The following NRP1 variants were observed in gnomAD, a reference collection of about 807,000 sequenced individuals.
The protein encoded by NRP1 is neuropilin-1.
A neutral mutation model predicts 106.7 loss-of-function variants in NRP1; 35 were observed. The ratio of observed to expected loss-of-function variants is 0.33; its 90% CI spans 0.25 to 0.43. The LOEUF (loss-of-function observed/expected upper bound fraction) is 0.43, where lower values mean the gene tolerates loss of function less well. NRP1 is among the 20% of genes least tolerant of loss of function. NRP1 has a pLI of 1.00. For missense variants in NRP1, 1,024 were observed against 1,170.4 expected, an observed-to-expected ratio of 0.87 and a Z score of 1.83; for synonymous variants, 437 against 417.9, an observed-to-expected ratio of 1.05 and a Z score of -0.56.
rs1259138307 is a variant in NRP1 at position 33,256,489 on chromosome 10, C to T, written c.659-18G>A. 2.5e-6 allele frequency: 4 copies of T among 1,609,492 alleles called. No individual in the cohort carries two copies. The highest frequency in any genetic ancestry group is 1.3e-5 in the African/African-American group (1 of 74,976). On this transcript the variant is annotated intron_variant, in intron 4 of 16. Coordinates refer to ENST00000374867, the MANE Select transcript of NRP1 (RefSeq NM_003873.7). The stretch of plus-strand genomic sequence containing the variant: ...AGGGCCAACTGGAAAGGGAGGAATA[C>T]AGACGATGTCAAAATGTCTTTTCTC...
chr10:33,212,647 T>C (rs1838395788), intron 9 of NRP1: 1 of 152,916 alleles, frequency 6.5e-6, no homozygotes, highest in Non-Finnish European at 1.5e-5. Flanking sequence ...GATGGGAAAT[T>C]GTATATTATA....
chr10:33,247,937 G>C (rs1190333109), intron 6 of NRP1, among the ~76,000 whole-genome samples: 1 of 152,136 alleles, frequency 6.6e-6, no homozygotes, highest in Non-Finnish European at 1.5e-5. Context: ...TGAAGATGGG[G>C]GTAAAAATCT....
intron 4 of NRP1, among the ~76,000 whole-genome samples, chr10:33,260,389 AG>A (rs2133220857): frequency 6.6e-6 from 1 of 152,298 alleles, no homozygotes; most frequent in South Asian, 2.1e-4. Context: ...TAAATGTAAA[AG>A]TAAATAAAAA....
At chr10:33,201,899 T>A (rs1456054750) in intron 11 of NRP1, 1 of 152,206 alleles carries the variant, frequency 6.6e-6, no homozygotes, top group Non-Finnish European at 1.5e-5. Flanking sequence ...TAATTGGAAA[T>A]GTACTCTAGG....
chr10:33,288,578 T>G (rs992571510), intron 2 of NRP1: 1 of 152,328 alleles, frequency 6.6e-6, no homozygotes, highest in Non-Finnish European at 1.5e-5. Flanking sequence ...TAGCTGGGAC[T>G]ACAGGCACAC....
chr10:33,242,491 G>T (rs1841099637), intron 6 of NRP1, among the ~76,000 whole-genome samples: 1 of 152,146 alleles, frequency 6.6e-6, no homozygotes, highest in Non-Finnish European at 1.5e-5. Flanking sequence ...AACCTGGCCA[G>T]TAAAATTCTG....
chr10:33,220,900 C>CAAAAAAAAAAAAA (rs35895871), intron 8 of NRP1, among the ~76,000 whole-genome samples: 2 of 60,676 alleles, frequency 3.3e-5, no homozygotes, highest in Non-Finnish European at 5.7e-5. Context: ...GGCTCAGTCT[C>CAAAAAAAAAAAAA]AAAAAAAAAA....
In NRP1 at chr10:33,180,372, A is replaced by G; in HGVS notation, c.2483-7T>C. The G allele has an allele frequency of 1.3e-6, 2 of 1,572,098 alleles. No homozygotes were observed. The highest frequency in any genetic ancestry group is 8.6e-7 in the Non-Finnish European group (1 of 1,156,284). On this transcript the variant is annotated splice_region_variant and splice_polypyrimidine_tract_variant and intron_variant, in intron 16 of 16. Coordinates refer to ENST00000374867, the MANE Select transcript of NRP1 (RefSeq NM_003873.7). ...TCGTATCCTGGCGTGCTCCCTATGG[A>G]AAAAAACAATATTGTCTCCGTGAGC... is the stretch of plus-strand genomic sequence containing the variant.
chr10:33,241,788 G>A (rs61843208), intron 6 of NRP1, among the ~76,000 whole-genome samples: 20,826 of 151,762 alleles, frequency 0.14, 1,612 homozygotes, highest in Admixed American at 0.23. Context: ...ATCCTCTCAC[G>A]TTGCCATTAT....
chr10:33,299,413 C>CCAACATAAG (rs1845642834), intron 2 of NRP1, among the ~76,000 whole-genome samples: 1 of 152,186 alleles, frequency 6.6e-6, no homozygotes, highest in African/African-American at 2.4e-5. Flanking sequence ...CTGATCCTTG[C>CCAACATAAG]CTGACAACCA....
chr10:33,330,567 A>G (rs569299236), intron 2 of NRP1, 141 bp downstream of exon 2: 2 of 591,550 alleles, frequency 3.4e-6, no homozygotes, highest in East Asian at 6.4e-5. Flanking sequence ...TTTCCATACC[A>G]TTGACATATA....
At chr10:33,286,951 C>A (rs1443591214) in intron 2 of NRP1, among the ~76,000 whole-genome samples, 1 of 151,966 alleles carries the variant, frequency 6.6e-6, no homozygotes, top group Non-Finnish European at 1.5e-5. Flanking sequence ...TGCAATAATC[C>A]CCCTTCCCAG....
chr10:33,184,162 G>T (rs1039346577), intron 15 of NRP1, among the ~76,000 whole-genome samples: 1 of 151,966 alleles, frequency 6.6e-6, no homozygotes, highest in Non-Finnish European at 1.5e-5. Context: ...CTACAGCTGC[G>T]TGCCACCACG....
chr10:33,334,459 A>G lies in NRP1; in HGVS notation c.-77T>C. The G allele has an allele frequency of 7.7e-7, 1 of 1,302,852 alleles. No individual in the cohort carries two copies. The allele number at this position is 1,302,852 out of a possible 1,614,324, so 80.7% of individuals were successfully genotyped here. A position where few individuals can be genotyped will look rare whatever the true frequency, so the allele number is the denominator to read the frequency against. On this transcript the variant is annotated 5_prime_UTR_variant, in exon 1 of 17. Coordinates refer to ENST00000374867, the MANE Select transcript of NRP1 (RefSeq NM_003873.7). ...GAAATGCAGCAAAGAGGAGAATCTA[A>G]GCGATCCGAAGAGCCCCAACTCCGC...
chr10:33,202,965 C>T lies in NRP1; in HGVS notation c.1790G>A (p.Gly597Glu), dbSNP rs1428559055. The T allele has an allele frequency of 4.3e-6, 7 of 1,613,954 alleles. No homozygotes were observed. In the Admixed American group the frequency reaches 1.0e-4, roughly 23 times the overall value. The change falls in exon 11 of 17, where the codon GGG becomes GAG. Residue 597 changes from glycine to glutamate, a missense_variant. By Grantham distance (98) the Gly-to-Glu change is moderately conservative. This residue lies in a region of NRP1 where 562 missense variants were observed against 620.3 expected (regional missense o/e 0.91). Coordinates refer to ENST00000374867, the MANE Select transcript of NRP1 (RefSeq NM_003873.7). Reference protein sequence around the residue: ...APTAGPTTPNGNLVDECDDDQ... With the variant: ...APTAGPTTPNENLVDECDDDQ... ...GTCATCACATTCATCCACCAAGTTC[C>T]CGTTGGGAGTGGTCGGTCCAGCTGT...
chr10:33,269,868 T>C (rs976367746), intron 3 of NRP1, among the ~76,000 whole-genome samples: 4 of 152,216 alleles, frequency 2.6e-5, no homozygotes, highest in Admixed American at 2.6e-4. Context: ...CCATCACCTG[T>C]ATATGGGACC....
intron 2 of NRP1, among the ~76,000 whole-genome samples, chr10:33,294,772 G>A (rs546472343): frequency 1.3e-5 from 2 of 152,258 alleles, no homozygotes; most frequent in African/African-American, 4.8e-5. Context: ...GGGAACCTGG[G>A]ACAGAACTTC....
intron 1 of NRP1, 35 bp from the exon 2 acceptor site, chr10:33,330,917 T>C (rs1848240192): frequency 6.5e-7 from 1 of 1,546,564 alleles, no homozygotes; most frequent in Admixed American, 1.8e-5. Context: ...AGATCTTTCC[T>C]GACAACCTGT....
Position 33,202,921 on chromosome 10 carries a change from T to C in NRP1, c.1834A>G (p.Ser612Gly), listed in dbSNP as rs776830169. 7 of 1,614,136 alleles carry C rather than the reference T, an allele frequency of 4.3e-6. No individual in the cohort carries two copies. Among genetic ancestry groups the C allele is most frequent in the Admixed American group, 3.3e-5 (2 of 60,010 alleles). Reference protein sequence around the residue: ...ECDDDQANCHSGTGDDFQLTG... With the variant: ...ECDDDQANCHGGTGDDFQLTG... The stretch of plus-strand genomic sequence containing the variant: ...AGCTGGAAGTCATCACCTGTTCCAC[T>C]GTGGCAGTTGGCCTGGTCGTCATCA... The change falls in exon 11 of 17, where the codon AGT becomes GGT. Residue 612 changes from serine (S) to glycine (G), a missense_variant. By Grantham distance (56) the Ser-to-Gly change is moderately conservative. Coordinates refer to ENST00000374867, the MANE Select transcript of NRP1 (RefSeq NM_003873.7).
Sources: gnomAD v4.1 joint callset for allele counts (sites outside exome capture counted in the v4.1 genomes callset) on GRCh38, gnomAD v4.1.1 for gene constraint, gnomAD v4.1.1 regional missense constraint, MANE v1.5 for transcripts, NCBI Gene and HGNC (gene_info 2026-07-23, HGNC 2026-07-21) for gene names.